NAV2: variants seen among roughly 807,000 people sequenced by gnomAD.
NAV2 encodes the protein neuron navigator 2.
NAV2 carries 54 observed loss-of-function variants against 223.2 expected under a neutral mutation model. That is an observed-to-expected ratio of 0.24 (90% confidence interval 0.19 to 0.30). NAV2 has a LOEUF of 0.30. Among genes scored for constraint, NAV2 ranks in the 10% least tolerant of loss-of-function variants. The pLI is 1.00. For missense variants in NAV2, 2,806 were observed against 3,147.5 expected (o/e 0.89, Z 2.60); for synonymous variants, 1,279 against 1,239.3 (o/e 1.03, Z -0.67).
chr11:19,405,930 T>C (rs1214084519), intron 1 of NAV2, among the ~76,000 whole-genome samples: 1 of 152,170 alleles, frequency 6.6e-6, no homozygotes, highest in East Asian at 1.9e-4. Context: ...ATAATTATCT[T>C]GGTTTGGATT....
chr11:19,573,471 C>T (rs79192435), intron 1 of NAV2, among the ~76,000 whole-genome samples: 2,223 of 152,186 alleles, frequency 0.015, 61 homozygotes, highest in African/African-American at 0.05. Flanking sequence ...CTGTGGCATG[C>T]GTGAGTATAT....
At chr11:19,914,674 A>G (rs545068020) in intron 6 of NAV2, among the ~76,000 whole-genome samples, 1 of 151,736 alleles carries the variant, frequency 6.6e-6, no homozygotes, top group East Asian at 1.9e-4. Context: ...CCTCCCGAGT[A>G]GCTGGGACTA....
At chr11:19,600,048 G>T (rs1006789011) in intron 1 of NAV2, among the ~76,000 whole-genome samples, 1 of 152,184 alleles carries the variant, frequency 6.6e-6, no homozygotes, top group African/African-American at 2.4e-5. Context: ...GGAGTGGGGA[G>T]TGAGACAGCG....
At chr11:20,060,266 G>T (rs1270509400) in intron 19 of NAV2, among the ~76,000 whole-genome samples, 1 of 152,244 alleles carries the variant, frequency 6.6e-6, no homozygotes, top group African/African-American at 2.4e-5. Context: ...AAGTGTGTGT[G>T]GCTATGTGTT....
At chr11:19,447,519 C>T (rs1006609070) in intron 1 of NAV2, among the ~76,000 whole-genome samples, 2 of 152,192 alleles carry the variant, frequency 1.3e-5, no homozygotes, top group African/African-American at 4.8e-5. Context: ...GTAATTCCCA[C>T]CTCACAGAGG....
At chr11:19,656,907 A>G (rs563668360) in intron 1 of NAV2, among the ~76,000 whole-genome samples, 1 of 152,158 alleles carries the variant, frequency 6.6e-6, no homozygotes, top group Admixed American at 6.5e-5. Context: ...AGAATCAAGG[A>G]TATCACCTAG....
At chr11:19,734,295 A>T (rs962749140) in intron 1 of NAV2, among the ~76,000 whole-genome samples, 6 of 152,180 alleles carry the variant, frequency 3.9e-5, no homozygotes, top group African/African-American at 1.2e-4. Context: ...TGGAAATGTG[A>T]TATTTGAGAG....
At chr11:19,945,062 C>A (rs1313297012) in intron 8 of NAV2, among the ~76,000 whole-genome samples, 1 of 133,206 alleles carries the variant, frequency 7.5e-6, no homozygotes, top group Non-Finnish European at 1.7e-5. Flanking sequence ...TTTTCTCTTT[C>A]CTTTCCTTTC....
At chr11:20,118,061 G>A in intron 37 of NAV2, 72 bp from the exon 38 acceptor site, 1 of 1,573,816 alleles carries the variant, frequency 6.4e-7, no homozygotes, top group Non-Finnish European at 8.6e-7. Flanking sequence ...GAGGTGGCAT[G>A]ACCTTTTAGG....
At chr11:19,598,025 C>A (rs568484434) in intron 1 of NAV2, among the ~76,000 whole-genome samples, 1 of 152,372 alleles carries the variant, frequency 6.6e-6, no homozygotes, top group East Asian at 1.9e-4. Context: ...TGACCCATGC[C>A]AATGGCATGC....
At position 19,903,416 on chromosome 11, in the gene NAV2, T is replaced by C. The variant is rs113729239; in HGVS notation, c.931+10822T>C. On this transcript the variant is annotated intron_variant, in intron 6 of 37. Coordinates refer to ENST00000349880, the MANE Select transcript of NAV2 (RefSeq NM_145117.5). ...GCAGTGGTTATGCTTGTTTTTATGA[T>C]GGCAAGGCTCCCCAAACTTTGTGGA... Among the ~76,000 whole-genome samples, 748 of 152,258 alleles carry C rather than the reference T, an allele frequency of 4.9e-3. 6 individuals are homozygous for C. Among genetic ancestry groups the C allele is most frequent in the African/African-American group, 0.017 (712 of 41,540 alleles).
intron 1 of NAV2, among the ~76,000 whole-genome samples, chr11:19,405,671 C>A (rs1054180052): frequency 6.6e-6 from 1 of 152,244 alleles, no homozygotes; most frequent in Non-Finnish European, 1.5e-5. Context: ...AGTATTGTCA[C>A]TTCCTGACTT....
At chr11:20,103,852 C>A in intron 34 of NAV2, 128 bp downstream of exon 34, 2 of 835,254 alleles carry the variant, frequency 2.4e-6, no homozygotes, top group South Asian at 1.5e-5. Flanking sequence ...TTTTTCTCAG[C>A]TTAATCCATT....
chr11:19,754,680 ACT>A (rs760933156), intron 1 of NAV2, among the ~76,000 whole-genome samples: 5 of 152,156 alleles, frequency 3.3e-5, no homozygotes, highest in East Asian at 3.8e-4. Context: ...CAGACTCTAA[ACT>A]CAATACATTT....
chr11:20,076,812 T>C (rs1360867192), intron 22 of NAV2, among the ~76,000 whole-genome samples: 1 of 152,228 alleles, frequency 6.6e-6, no homozygotes, highest in Non-Finnish European at 1.5e-5. Flanking sequence ...TACTTATAAC[T>C]GGAAGCATTT....
chr11:19,377,600 A>T (rs994519996), intron 1 of NAV2, among the ~76,000 whole-genome samples: 3 of 152,180 alleles, frequency 2.0e-5, no homozygotes, highest in African/African-American at 7.2e-5. Context: ...AGCATGACAC[A>T]TATGTGAATA....
intron 6 of NAV2, among the ~76,000 whole-genome samples, chr11:19,893,200 G>A (rs2041662722): frequency 6.6e-6 from 1 of 151,262 alleles, no homozygotes. Flanking sequence ...GAAAAATAGT[G>A]AATAGTCCCA....
At chr11:19,527,615 C>T (rs2043882107) in intron 1 of NAV2, among the ~76,000 whole-genome samples, 1 of 150,536 alleles carries the variant, frequency 6.6e-6, no homozygotes, top group Non-Finnish European at 1.5e-5. Flanking sequence ...AGCACCAGCC[C>T]CACCCCCACC....
At chr11:20,003,013 G>A (rs2052708338) in intron 11 of NAV2, among the ~76,000 whole-genome samples, 1 of 152,218 alleles carries the variant, frequency 6.6e-6, no homozygotes, top group Admixed American at 6.5e-5. Context: ...AGAGTGGACA[G>A]TGGCTGTTCC....
Sources: gnomAD v4.1 joint callset for allele counts (sites outside exome capture counted in the v4.1 genomes callset) on GRCh38, gnomAD v4.1.1 for gene constraint, MANE v1.5 for transcripts, NCBI Gene and HGNC (gene_info 2026-07-23, HGNC 2026-07-21) for gene names.